The following ZNF519 variants were observed in gnomAD, a reference collection of about 807,000 sequenced individuals.
The protein encoded by ZNF519 is similar to Zinc finger protein 85 (Zinc finger protein HPF4) (HTF1).
ZNF519 carries 7 observed loss-of-function variants against 7.4 expected under a neutral mutation model. That is an observed-to-expected ratio of 0.94 (90% CI 0.54 to 1.77). ZNF519 has a LOEUF of 1.77. ZNF519 is among the 40% of genes most tolerant of loss of function. The pLI is 0.00. For synonymous variants in ZNF519, 179 were observed against 203.3 expected, an observed-to-expected ratio of 0.88 and a Z score of 1.02; for missense variants, 586 against 623.1, an observed-to-expected ratio of 0.94 and a Z score of 0.63.
At chr18:14,121,656 C>G (rs978973231) in intron 2 of ZNF519, 1 of 152,000 alleles carries the variant, frequency 6.6e-6, no homozygotes, top group African/African-American at 2.4e-5. Context: ...TTTTCTTAAA[C>G]AATATGTTGC....
chr18:14,108,614 TAA>T lies in ZNF519; in HGVS notation c.131-2207_131-2206del, dbSNP rs34504051. ...AAAAGACATAGAGTGGCTAAATGGATAAAAAAAAAAAAGACTGATTTGTTGCC... is the reference window on the plus strand; with the variant it reads ...AAAAGACATAGAGTGGCTAAATGGATAAAAAAAAAAGACTGATTTGTTGCC... On this transcript the variant is annotated intron_variant, in intron 2 of 2. Transcript: ENST00000590202. Among the ~76,000 whole-genome samples the T allele has an allele frequency of 3.8e-3, 514 of 135,186 alleles. 2 individuals are homozygous for T. The highest frequency in any genetic ancestry group is 0.013 in the African/African-American group (484 of 37,166). The allele number at this position is 135,186 out of a possible 152,430, so 88.7% of individuals were successfully genotyped here.
At chr18:14,082,231 A>G (rs1424142811) in intron 3 of ZNF519, 1 of 152,178 alleles carries the variant, frequency 6.6e-6, no homozygotes, top group Non-Finnish European at 1.5e-5. Context: ...AGAAATAATC[A>G]TAGCATTATA....
chr18:14,087,644 G>A (rs147859995), intron 2 of ZNF519, among the ~76,000 whole-genome samples: 1 of 152,218 alleles, frequency 6.6e-6, no homozygotes, highest in Non-Finnish European at 1.5e-5. Flanking sequence ...GAAAGGGATG[G>A]GTCATTTGTT....
At chr18:14,098,535 C>A (rs1012892738), downstream of ZNF519, among the ~76,000 whole-genome samples, 4 of 152,132 alleles carry the variant, frequency 2.6e-5, no homozygotes, top group African/African-American at 9.7e-5. Context: ...GTGTCTCCAG[C>A]TTTGTTAATC....
At position 14,106,017 on chromosome 18, in the gene ZNF519, G is replaced by T. The variant is rs200091017; in HGVS notation, c.523C>A (p.His175Asn). 160 of 1,574,902 alleles carry T rather than the reference G, an allele frequency of 1.0e-4. 1 individual carries two copies. In the Middle Eastern group the frequency reaches 9.8e-3, roughly 97 times the overall value. The change falls in exon 3 of 3, where the codon CAT becomes AAT. Residue 175 changes from histidine (H) to asparagine (N), a missense_variant. By Grantham distance (68) the His-to-Asn change is moderately conservative. Coordinates refer to ENST00000590202, the MANE Select transcript of ZNF519 (RefSeq NM_145287.4). Reference protein sequence around the residue: ...DSNISKHHSTHFLENYYNCNE... With the variant: ...DSNISKHHSTNFLENYYNCNE... ...CAATTGTAATAGTTTTCTAGAAAAT[G>T]AGTACTATGATGTTTACTAATATTT...
chr18:14,111,127 T>A (rs1303338560), intron 2 of ZNF519, among the ~76,000 whole-genome samples: 3 of 52,260 alleles, frequency 5.7e-5, no homozygotes, highest in East Asian at 4.9e-4. Context: ...GAATTTGAAA[T>A]AAATAAAATA....
chr18:14,097,152 T>C (rs977999296), downstream of ZNF519, among the ~76,000 whole-genome samples: 1 of 152,196 alleles, frequency 6.6e-6, no homozygotes, highest in Non-Finnish European at 1.5e-5. Context: ...ACAAATTAGA[T>C]TGGATGAGAG....
chr18:14,104,891 G>A lies in ZNF519; in HGVS notation c.*26C>T. 1.3e-6 allele frequency: 2 copies of A among 1,505,546 alleles called. No individual in the cohort carries two copies. Among genetic ancestry groups the A allele is most frequent in the Non-Finnish European group, 8.9e-7 (1 of 1,128,888 alleles). 93.3% of individuals were successfully genotyped at this position (1,505,546 alleles called of 1,614,324 possible). ...GTGTGAGCACCAGTTTAGGGTTTTA[G>A]CACATTCTTTACACTTGCAGGGTTT... On this transcript the variant is annotated 3_prime_UTR_variant, in exon 3 of 3. Transcript: ENST00000590202.
In ZNF519 at chr18:14,100,066, A is replaced by C. The variant is rs1024138229; in HGVS notation, c.*4851T>G. 3 of 152,240 alleles carry C rather than the reference A, an allele frequency of 2.0e-5. No individual in the cohort carries two copies. The highest frequency in any genetic ancestry group is 7.2e-5 in the African/African-American group (3 of 41,464). 9.4% of individuals were successfully genotyped at this position (152,240 alleles called of 1,614,324 possible). ...ACATGCAGACATGAATAAACATTTC[A>C]TCAGAGATAATAGGCAGATGTCATA... On this transcript the variant is annotated 3_prime_UTR_variant, in exon 3 of 3. Coordinates refer to ENST00000590202, the MANE Select transcript of ZNF519 (RefSeq NM_145287.4).
At chr18:14,084,284 CTT>C (rs2046081433) in intron 3 of ZNF519, 1 of 152,236 alleles carries the variant, frequency 6.6e-6, no homozygotes, top group South Asian at 2.1e-4. Flanking sequence ...ATAAGTCACT[CTT>C]GAGTGTGGAA....
chr18:14,105,914 T>C lies in ZNF519; in HGVS notation c.626A>G (p.Tyr209Cys), dbSNP rs754855441. The change falls in exon 3 of 3, where the codon TAC becomes TGC. Residue 209 changes from tyrosine to cysteine, a missense_variant. Physicochemically the swap from Tyr to Cys is radical, Grantham distance 194. Coordinates refer to ENST00000590202, the MANE Select transcript of ZNF519 (RefSeq NM_145287.4). ...AGTTTCACCACATTCATTAGAGTTG[T>C]AAGGCTTTTTTTGAATATGGATATT... ...PENIHIQKKPYNSNECGETSD... is the reference protein window; with the variant it reads ...PENIHIQKKPCNSNECGETSD... The C allele has an allele frequency of 4.0e-5, 65 of 1,610,248 alleles. No homozygotes were observed. Among genetic ancestry groups the C allele is most frequent in the Middle Eastern group, 3.3e-4 (2 of 6,060 alleles).
chr18:14,108,571 C>A (rs532160101), intron 2 of ZNF519, among the ~76,000 whole-genome samples: 1 of 151,068 alleles, frequency 6.6e-6, no homozygotes, highest in Non-Finnish European at 1.5e-5. Context: ...GAATGTAAAT[C>A]GACTAAACTC....
chr18:14,106,782 A>G (rs2046195293), intron 2 of ZNF519, among the ~76,000 whole-genome samples: 1 of 152,124 alleles, frequency 6.6e-6, no homozygotes, highest in African/African-American at 2.4e-5. Context: ...TGTAGATAGA[A>G]GCTGTACACT....
chr18:14,122,553 A>G (rs1381495177), intron 2 of ZNF519: 6 of 152,208 alleles, frequency 3.9e-5, no homozygotes, highest in African/African-American at 1.4e-4. Context: ...GCAGCCCTTT[A>G]TAAGTGATAA....
At chr18:14,110,842 GA>G (rs1190475560) in intron 2 of ZNF519, among the ~76,000 whole-genome samples, 6 of 152,268 alleles carry the variant, frequency 3.9e-5, no homozygotes, top group African/African-American at 1.4e-4. Flanking sequence ...GCTAATCTAC[GA>G]GGATGCAAAG....
At chr18:14,080,129 C>T (rs1207946346) in intron 3 of ZNF519, 1 of 151,988 alleles carries the variant, frequency 6.6e-6, no homozygotes, top group African/African-American at 2.4e-5. Flanking sequence ...CAAAATGATG[C>T]TCCACGTCAT....
At chr18:14,093,384 T>C (rs1442057745) in intron 2 of ZNF519, among the ~76,000 whole-genome samples, 1 of 152,206 alleles carries the variant, frequency 6.6e-6, no homozygotes, top group Non-Finnish European at 1.5e-5. Context: ...CCTACCAGAA[T>C]AGTATATTGT....
chr18:14,079,965 A>G (rs1030834108), intron 3 of ZNF519, among the ~76,000 whole-genome samples: 3 of 152,150 alleles, frequency 2.0e-5, no homozygotes, highest in Admixed American at 6.6e-5. Flanking sequence ...AATGGAAAAG[A>G]AAAGACATAG....
chr18:14,123,476 T>C (rs3887409), intron 2 of ZNF519, among the ~76,000 whole-genome samples: 31,037 of 152,158 alleles, frequency 0.2, 3,453 homozygotes, highest in Middle Eastern at 0.24. Flanking sequence ...CTCAATACTT[T>C]GAGAGGCCGA....
Sources: gnomAD v4.1 joint callset for allele counts (sites outside exome capture counted in the v4.1 genomes callset) on GRCh38, gnomAD v4.1.1 for gene constraint, MANE v1.5 for transcripts, NCBI Gene and HGNC (gene_info 2026-07-23, HGNC 2026-07-21) for gene names.